DLC1: variants seen among roughly 807,000 people sequenced by gnomAD.
DLC1 encodes the protein DLC1 Rho GTPase activating protein, also known as rho GTPase-activating protein 7.
A neutral mutation model predicts 140.3 loss-of-function variants in DLC1; 54 were observed. The observed-to-expected ratio is 0.38, with a 90% confidence interval of 0.31 to 0.48. DLC1 has a LOEUF of 0.48. Among genes scored for constraint, DLC1 ranks in the 20% least tolerant of loss-of-function variants. The pLI is 0.96. For synonymous variants in DLC1, 986 were observed against 728.1 expected (o/e 1.35, Z -5.70); for missense variants, 2,536 against 1,907.0 (o/e 1.33, Z -6.14).
chr8:13,390,851 G>C (rs2117203134), intron 4 of DLC1, among the ~76,000 whole-genome samples: 1 of 152,204 alleles, frequency 6.6e-6, no homozygotes, highest in African/African-American at 2.4e-5. Flanking sequence ...AGCCAGGCGT[G>C]GTGGAGGGCA....
chr8:13,329,033 T>C (rs1624130), intron 4 of DLC1, among the ~76,000 whole-genome samples: 74,061 of 151,992 alleles, frequency 0.49, 18,424 homozygotes, highest in Admixed American at 0.58. Flanking sequence ...AGCAAAGACA[T>C]TTATTCATTG....
chr8:13,404,504 A>G (rs1212699256), intron 2 of DLC1, among the ~76,000 whole-genome samples: 3 of 152,196 alleles, frequency 2.0e-5, no homozygotes, highest in African/African-American at 7.2e-5. Flanking sequence ...ATAGTTACAT[A>G]TATAGTTATA....
chr8:13,541,198 C>G (rs1803473391), intron 1 of DLC1, among the ~76,000 whole-genome samples: 2 of 152,276 alleles, frequency 1.3e-5, no homozygotes, highest in East Asian at 1.9e-4. Context: ...TATACACTCA[C>G]AGGTTGGCGG....
chr8:13,148,977 A>G (rs1262021719), intron 5 of DLC1, among the ~76,000 whole-genome samples: 1 of 152,052 alleles, frequency 6.6e-6, no homozygotes, highest in Non-Finnish European at 1.5e-5. Context: ...TATTTTTAGT[A>G]GAGACAGGGT....
intron 5 of DLC1, among the ~76,000 whole-genome samples, chr8:13,192,102 G>A (rs1012068186): frequency 2.0e-5 from 3 of 151,790 alleles, no homozygotes; most frequent in Admixed American, 2.0e-4. Flanking sequence ...ACATGCCACC[G>A]TGCCCGGCTA....
In DLC1 at chr8:13,562,108, A is replaced by C. The variant is rs79996803; in HGVS notation, c.-126+42429T>G. 1.1e-4 allele frequency among the ~76,000 whole-genome samples: 17 copies of C among 152,072 alleles called. 1 individual carries two copies. Among genetic ancestry groups the C allele is most frequent in the African/African-American group, 4.1e-4 (17 of 41,396 alleles). On this transcript the variant is annotated intron_variant, in intron 1 of 1. Coordinates refer to the DLC1 transcript ENST00000631382. ...GGTTACAGAACCCATATATGTGTTA[A>C]AATTCACAGAGCTGTACACTAAAAG...
intron 2 of DLC1, among the ~76,000 whole-genome samples, chr8:13,453,107 G>C (rs537180302): frequency 1.3e-5 from 2 of 151,402 alleles, no homozygotes; most frequent in South Asian, 4.2e-4. Flanking sequence ...GCCCAAGACA[G>C]AATGAGCATC....
chr8:13,094,607 A>C, intron 12 of DLC1, 152 bp downstream of exon 12: 6 of 872,860 alleles, frequency 6.9e-6, no homozygotes, highest in African/African-American at 1.7e-5. Flanking sequence ...CAGAGGTTGC[A>C]GTGAGCCGAG....
chr8:13,533,484 T>G (rs777343170), intron 1 of DLC1, among the ~76,000 whole-genome samples: 8 of 152,208 alleles, frequency 5.3e-5, no homozygotes, highest in Non-Finnish European at 1.2e-4. Flanking sequence ...ACAACTCATA[T>G]GTAGCATGTT....
intron 5 of DLC1, among the ~76,000 whole-genome samples, chr8:13,194,534 G>C (rs1356875028): frequency 6.6e-6 from 1 of 152,244 alleles, no homozygotes; most frequent in African/African-American, 2.4e-5. Flanking sequence ...GTTTGCAAAT[G>C]CTGTTTGGAA....
chr8:13,185,731 C>G (rs1563146664), intron 5 of DLC1, among the ~76,000 whole-genome samples: 1 of 152,168 alleles, frequency 6.6e-6, no homozygotes, highest in African/African-American at 2.4e-5. Flanking sequence ...AATGTAGTTT[C>G]TGCCTAACAT....
chr8:13,508,970 C>A (rs980976696), intron 1 of DLC1, among the ~76,000 whole-genome samples: 1 of 152,074 alleles, frequency 6.6e-6, no homozygotes, highest in Non-Finnish European at 1.5e-5. Context: ...GATCTTGTTT[C>A]ACTTGAAATT....
intron 5 of DLC1, among the ~76,000 whole-genome samples, chr8:13,153,330 C>G (rs1271424940): frequency 1.3e-5 from 2 of 152,208 alleles, no homozygotes; most frequent in East Asian, 1.9e-4. Context: ...CCAGAGCTCT[C>G]CATTCCTCTC....
chr8:13,460,695 G>T (rs971443234), intron 2 of DLC1, among the ~76,000 whole-genome samples: 1 of 152,232 alleles, frequency 6.6e-6, no homozygotes, highest in Admixed American at 6.5e-5. Context: ...CACTTCTGCT[G>T]ATCTTTCCTG....
chr8:13,476,877 A>C (rs1800456798), intron 2 of DLC1, among the ~76,000 whole-genome samples: 2 of 152,238 alleles, frequency 1.3e-5, no homozygotes, highest in South Asian at 4.1e-4. Flanking sequence ...GTGAAATCAA[A>C]GAAGATGATT....
At position 13,327,156 on chromosome 8, in the gene DLC1, G is replaced by A. The variant is rs1343768462; in HGVS notation, c.1315-21854C>T. Among the ~76,000 whole-genome samples, 75 of 54,010 alleles carry A rather than the reference G, an allele frequency of 1.4e-3. 1 individual carries two copies. Among genetic ancestry groups the A allele is most frequent in the Non-Finnish European group, 4.0e-4 (10 of 25,054 alleles). The allele number at this position is 54,010 out of a possible 152,430, so 35.4% of individuals were successfully genotyped here. A position where few individuals can be genotyped will look rare whatever the true frequency, so the allele number is the denominator to read the frequency against. ...TTTTTTTTTTTTTTTTGTATTTTTA[G>A]CAGAGACGGGGTTTCCCCATGTTAG... is the stretch of plus-strand genomic sequence containing the variant. On this transcript the variant is annotated intron_variant, in intron 4 of 17. Coordinates refer to ENST00000276297, the MANE Select transcript of DLC1 (RefSeq NM_182643.3).
At chr8:13,261,408 C>A (rs1022077679) in intron 5 of DLC1, among the ~76,000 whole-genome samples, 63 of 152,236 alleles carry the variant, frequency 4.1e-4, no homozygotes, top group African/African-American at 1.4e-3. Context: ...CCAGGTCAGG[C>A]AGAGACTTCT....
intron 7 of DLC1, among the ~76,000 whole-genome samples, chr8:13,109,384 G>T (rs912003782): frequency 6.6e-6 from 1 of 151,494 alleles, no homozygotes; most frequent in South Asian, 2.1e-4. Context: ...CAGCAAGACC[G>T]CATCTCTACA....
At chr8:13,561,301 A>C (rs1804234830) in intron 1 of DLC1, among the ~76,000 whole-genome samples, 1 of 152,150 alleles carries the variant, frequency 6.6e-6, no homozygotes, top group East Asian at 1.9e-4. Flanking sequence ...ATGCAACTAC[A>C]GCCACACCTG....
Sources: allele counts gnomAD v4.1 joint callset (sites outside exome capture counted in the v4.1 genomes callset), GRCh38; gene constraint gnomAD v4.1.1; transcripts MANE v1.5; gene names NCBI Gene and HGNC (gene_info 2026-07-23, HGNC 2026-07-21).